COL16A1: variants seen among roughly 807,000 people sequenced by gnomAD.
COL16A1 encodes the protein collagen type XVI alpha 1 chain.
A neutral mutation model predicts 266.3 loss-of-function variants in COL16A1; 189 were observed. That is an observed-to-expected ratio of 0.71 (90% CI 0.63 to 0.80). The LOEUF (loss-of-function observed/expected upper bound fraction) is 0.80. Among genes scored for constraint, COL16A1 ranks in the 30% least tolerant of loss-of-function variants. COL16A1 has a pLI of 0.00. For synonymous variants in COL16A1, 740 were observed against 782.3 expected (o/e 0.95, Z 0.90); for missense variants, 1,928 against 2,122.4 (o/e 0.91, Z 1.80).
At position 31,664,177 on chromosome 1, in the gene COL16A1, AAGGGGAAGG is replaced by A. The variant is rs1268018916; in HGVS notation, c.3555+986_3555+994del. 6.8e-6 allele frequency among the ~76,000 whole-genome samples: 1 copy of A among 146,822 alleles called. No individual in the cohort carries two copies. Among genetic ancestry groups the A allele is most frequent in the Admixed American group, 6.7e-5 (1 of 14,818 alleles). On this transcript the variant is annotated intron_variant, in intron 56 of 70. Transcript: ENST00000373672. This position sits in a 1 kb window ranked among gnomAD's most constrained non-coding sequence, Gnocchi z 5.5. The stretch of plus-strand genomic sequence containing the variant: ...GGGAAGGAAGGGGAAGGGGAAGGGG[AAGGGGAAGG>A]GGAAGGGGAAGGGGGCTAGCAACCA...
Position 31,697,519 on chromosome 1 carries a change from A to T in COL16A1, c.658-219T>A, listed in dbSNP as rs1415979670. On this transcript the variant is annotated intron_variant, in intron 6 of 70. Transcript: ENST00000373672. This position sits in a 1 kb window ranked among gnomAD's most constrained non-coding sequence, Gnocchi z 4.2. ...AGGCCCAGAGGAACAAAAGAGGAGG[A>T]GGTTCCATTCATGCTGGGCTTTGAA... is the stretch of plus-strand genomic sequence containing the variant. Among the ~76,000 whole-genome samples the T allele has an allele frequency of 6.6e-6, 1 of 152,142 alleles. No individual in the cohort carries two copies. The highest frequency in any genetic ancestry group is 1.5e-5 in the Non-Finnish European group (1 of 68,022).
intron 12 of COL16A1, 95 bp from the exon 13 acceptor site, chr1:31,693,249 C>T (rs2148814178): frequency 1.3e-6 from 1 of 792,322 alleles, no homozygotes; most frequent in South Asian, 1.4e-5. Flanking sequence ...CACCCATCCC[C>T]CCACACACGG....
intron 70 of COL16A1, 178 bp downstream of exon 70, chr1:31,653,421 C>T (rs999160539): frequency 1.4e-5 from 10 of 710,298 alleles, no homozygotes; most frequent in South Asian, 2.1e-5. Context: ...CTGAGTCTTC[C>T]GCCCCCACAT....
In COL16A1 at chr1:31,657,127, C is replaced by A; in HGVS notation, c.4021-59G>T. 6.2e-7 allele frequency: 1 copy of A among 1,607,862 alleles called. No homozygotes were observed. Among genetic ancestry groups the A allele is most frequent in the Non-Finnish European group, 8.5e-7 (1 of 1,174,518 alleles). ...CTCCAACCCAGTTTGGTGTCAGATGCCTCACTTTGTACATGGGGCAAGCCC... is the reference window on the plus strand; with the variant it reads ...CTCCAACCCAGTTTGGTGTCAGATGACTCACTTTGTACATGGGGCAAGCCC... On this transcript the variant is annotated intron_variant, in intron 64 of 70. Transcript: ENST00000373672. The surrounding 1 kb of genome is among the most constrained non-coding windows in gnomAD (Gnocchi z 6.4).
chr1:31,666,010 C>A, intron 53 of COL16A1, 27 bp downstream of exon 53: 1 of 1,613,244 alleles, frequency 6.2e-7, no homozygotes. Flanking sequence ...ACCAGGACCA[C>A]ATCTCCCCAT....
chr1:31,678,902 G>C (rs1275752317), intron 42 of COL16A1, among the ~76,000 whole-genome samples: 1 of 152,146 alleles, frequency 6.6e-6, no homozygotes, highest in Non-Finnish European at 1.5e-5. Flanking sequence ...ACAGATCTTG[G>C]CTCCTAATGC....
chr1:31,661,646 G>C lies in COL16A1; in HGVS notation c.3726+14C>G. ...ACTTCGCAGCTTCCAACTCCTTCCT[G>C]CAGCTCAACTTACCGGTGGTCCCAT... On this transcript the variant is annotated intron_variant, in intron 59 of 70. Coordinates refer to ENST00000373672, the MANE Select transcript of COL16A1 (RefSeq NM_001856.4). 3 of 1,613,786 alleles carry C rather than the reference G, an allele frequency of 1.9e-6. No individual in the cohort carries two copies. Among genetic ancestry groups the C allele is most frequent in the Non-Finnish European group, 2.5e-6 (3 of 1,179,890 alleles).
chr1:31,695,090 C>A, intron 11 of COL16A1, 96 bp downstream of exon 11: 1 of 1,287,502 alleles, frequency 7.8e-7, no homozygotes, highest in South Asian at 1.3e-5. Context: ...TACAAAGACC[C>A]CCTTGTCCTC....
At chr1:31,693,305 C>A in intron 12 of COL16A1, 151 bp from the exon 13 acceptor site, 1 of 633,900 alleles carries the variant, frequency 1.6e-6, no homozygotes, top group East Asian at 2.8e-5. Flanking sequence ...CCCCACGCCT[C>A]CCCCCACCAC....
intron 56 of COL16A1, chr1:31,662,881 C>A (rs1169278568): frequency 3.3e-6 from 2 of 597,080 alleles, no homozygotes; most frequent in Non-Finnish European, 5.9e-6. Context: ...TCCTTGCTGC[C>A]CCATGAGGAA....
chr1:31,655,804 C>T (rs1213457260), intron 66 of COL16A1: 2 of 408,012 alleles, frequency 4.9e-6, no homozygotes, highest in African/African-American at 2.1e-5. Context: ...TCCTCAGCCT[C>T]CTCTCCCCAC....
rs71006319 is a variant in COL16A1, at chr1:31,664,156, AGGAAGGGGAAGG to A, written c.3555+1004_3555+1015del. On this transcript the variant is annotated intron_variant, in intron 56 of 70. Transcript: ENST00000373672. The surrounding 1 kb of genome is among the most constrained non-coding windows in gnomAD (Gnocchi z 5.5). ...TGCCACTCAGGTCCTGGGGAGGGGA[AGGAAGGGGAAGG>A]GGAAGGGGAAGGGGAAGGGGAAGGG... is the stretch of plus-strand genomic sequence containing the variant. Among the ~76,000 whole-genome samples the A allele has an allele frequency of 0.73, 98,805 of 134,964 alleles. 41,500 individuals are homozygous for A. The highest frequency in any genetic ancestry group is 0.9 in the Non-Finnish European group (59,080 of 65,362). The allele number at this position is 134,964 out of a possible 152,430, so 88.5% of individuals were successfully genotyped here. A position where few individuals can be genotyped will look rare whatever the true frequency, so the allele number is the denominator to read the frequency against.
At position 31,679,903 on chromosome 1, in the gene COL16A1, T is replaced by C. The variant is rs543078911; in HGVS notation, c.2671-52A>G. On this transcript the variant is annotated intron_variant, in intron 40 of 70. Transcript: ENST00000373672. ...AAGGGGAGAGGTTATAGGCAACGTC[T>C]ACACCAAGCGCGGGGCTGCGTGGGG... 1.8e-5 allele frequency: 27 copies of C among 1,522,662 alleles called. No homozygotes were observed. The East Asian group carries it at 6.6e-4, about 37-fold the overall frequency. The allele number at this position is 1,522,662 out of a possible 1,614,324, so 94.3% of individuals were successfully genotyped here. A position where few individuals can be genotyped will look rare whatever the true frequency, so the allele number is the denominator to read the frequency against.
In COL16A1 at chr1:31,667,605, G is replaced by A. The variant is rs773135641; in HGVS notation, c.3327C>T (p.Tyr1109=). The change falls in exon 52 of 71, where the codon TAC becomes TAT. Residue 1109 remains tyrosine (Y), a synonymous_variant. Transcript: ENST00000373672. ...CTCCTTTCTCTCCCGCTGACCCGGT[G>A]TAGCCACGCTCCCCCTTGATGCCCT... The part of the protein sequence containing the change: ...GLPGIKGERG[Y]TGSAGEKGEP... 2.4e-5 allele frequency: 39 copies of A among 1,604,728 alleles called. No homozygotes were observed. The highest frequency in any genetic ancestry group is 3.3e-5 in the Non-Finnish European group (39 of 1,176,146).
Position 31,685,515 on chromosome 1 carries a change from C to T in COL16A1, c.2016+124G>A, listed in dbSNP as rs557393423. The T allele has an allele frequency of 1.2e-5, 15 of 1,212,500 alleles. No individual in the cohort carries two copies. Among genetic ancestry groups the T allele is most frequent in the South Asian group, 8.7e-5 (6 of 69,080 alleles). The allele number at this position is 1,212,500 out of a possible 1,614,324, so 75.1% of individuals were successfully genotyped here. A position where few individuals can be genotyped will look rare whatever the true frequency, so the allele number is the denominator to read the frequency against. On this transcript the variant is annotated intron_variant, in intron 29 of 70. Transcript: ENST00000373672. The surrounding 1 kb of genome is among the most constrained non-coding windows in gnomAD (Gnocchi z 4.0). ...CTGCTGGAGACAGAGGCTCTGACCC[C>T]GCCACACCCTCCCCACTACCCCCAA...
chr1:31,687,277 G>A (rs945998259), intron 26 of COL16A1, among the ~76,000 whole-genome samples: 3 of 151,944 alleles, frequency 2.0e-5, no homozygotes, highest in Non-Finnish European at 2.9e-5. Context: ...AGCTAATTGG[G>A]AGGCTGAGGC....
At chr1:31,684,262 A>G in intron 31 of COL16A1, 31 bp from the exon 32 acceptor site, 1 of 1,456,504 alleles carries the variant, frequency 6.9e-7, no homozygotes, top group Non-Finnish European at 9.1e-7. Flanking sequence ...CCAGGAGCCC[A>G]TGAGCCGGGG....
At chr1:31,680,515 C>A (rs1643555113) in intron 39 of COL16A1, among the ~76,000 whole-genome samples, 1 of 152,206 alleles carries the variant, frequency 6.6e-6, no homozygotes, top group Admixed American at 6.5e-5. Flanking sequence ...GAGCCCCTCA[C>A]CTCTCTGCCC....
rs200253093 is a variant in COL16A1 at position 31,702,140 on chromosome 1, G to A, written c.54C>T (p.Phe18=). ...GLWLLGLWAT[F]GHGANTGAQC... ...TCTCACCTGTATTTGCCCCATGGCCGAAGGTAGCCCAAAGACCGAGCAGCC... is the reference window on the plus strand; with the variant it reads ...TCTCACCTGTATTTGCCCCATGGCCAAAGGTAGCCCAAAGACCGAGCAGCC... The change falls in exon 2 of 71, where the codon TTC becomes TTT. Residue 18 remains phenylalanine, a synonymous_variant. Transcript: ENST00000373672. The A allele has an allele frequency of 1.5e-3, 2,399 of 1,614,186 alleles. 15 individuals carry two copies. The highest frequency in any genetic ancestry group is 9.1e-3 in the South Asian group (825 of 91,084).
Sources: gnomAD v4.1 joint callset for allele counts (sites outside exome capture counted in the v4.1 genomes callset) on GRCh38, gnomAD v4.1.1 for gene constraint, Gnocchi (gnomAD v3.1) non-coding constraint, MANE v1.5 for transcripts, NCBI Gene and HGNC (gene_info 2026-07-23, HGNC 2026-07-21) for gene names.